Variants in AFAP1 observed in about 807,000 individuals in gnomAD.
AFAP1 encodes the protein actin filament associated protein 1.
Under a neutral mutation model 93.9 loss-of-function variants are expected in AFAP1, and 75 were observed. The observed-to-expected ratio is 0.80, with a 90% CI of 0.66 to 0.97. AFAP1 has a LOEUF of 0.97. AFAP1 is among the 50% of genes least tolerant of loss of function. The pLI is 0.00. For missense variants in AFAP1, 1,201 were observed against 1,050.8 expected (o/e 1.14, Z -1.98); for synonymous variants, 517 against 430.7 (o/e 1.20, Z -2.48).
chr4:7,938,685 T>C (rs901018417), intron 1 of AFAP1, among the ~76,000 whole-genome samples: 5 of 152,284 alleles, frequency 3.3e-5, no homozygotes, highest in South Asian at 2.1e-4. Context: ...GGAGAGTTTC[T>C]TCCACTCTCC....
At chr4:7,824,740 CG>C in intron 6 of AFAP1, among the ~76,000 whole-genome samples, 1 of 152,012 alleles carries the variant, frequency 6.6e-6, no homozygotes, top group East Asian at 1.9e-4. Context: ...CAATGGAGGC[CG>C]GGAAGGCTGA....
At chr4:7,883,053 C>G (rs1249141412) in intron 1 of AFAP1, among the ~76,000 whole-genome samples, 7 of 151,570 alleles carry the variant, frequency 4.6e-5, no homozygotes. Flanking sequence ...GATGTGATGG[C>G]ACACACCTGT....
In AFAP1 at chr4:7,768,929, G is replaced by T. The variant is rs139760292; in HGVS notation, c.2333C>A (p.Pro778Gln). Residue 778 changes from proline to glutamine, a missense_variant, in exon 17 of 18, where the codon CCG becomes CAG. Pro to Gln is a moderately conservative substitution (Grantham distance 76). Transcript: ENST00000420658. Reference sequence around the variant, plus strand: ...CTTCAAGACGGCCGCGCTGTTCACCGGCACGGGGCCCTCGGTGTCACTGGT... The same window carrying T: ...CTTCAAGACGGCCGCGCTGTTCACCTGCACGGGGCCCTCGGTGTCACTGGT... ...CDTSDTEGPV[P>Q]VNSAAVLKKS... The T allele has an allele frequency of 3.7e-6, 6 of 1,613,804 alleles. No individual in the cohort carries two copies. The highest frequency in any genetic ancestry group is 5.1e-6 in the Non-Finnish European group (6 of 1,179,864).
intron 16 of AFAP1, among the ~76,000 whole-genome samples, chr4:7,771,504 T>G (rs1398552873): frequency 6.6e-6 from 1 of 152,206 alleles, no homozygotes; most frequent in East Asian, 1.9e-4. Context: ...AATTGTTGGA[T>G]GAGTGGAATG....
chr4:7,803,154 G>T (rs1041177313), intron 9 of AFAP1, among the ~76,000 whole-genome samples: 6 of 152,160 alleles, frequency 3.9e-5, no homozygotes, highest in Non-Finnish European at 8.8e-5. Context: ...AGCATGAGTT[G>T]ACAAATGTAA....
intron 7 of AFAP1, among the ~76,000 whole-genome samples, chr4:7,817,399 G>A (rs1187642171): frequency 1.1e-4 from 17 of 152,152 alleles, no homozygotes; most frequent in African/African-American, 3.4e-4. Context: ...TCAGGAGTTC[G>A]AGACCAGCCT....
intron 6 of AFAP1, among the ~76,000 whole-genome samples, chr4:7,825,885 C>T (rs1365179535): frequency 2.0e-5 from 3 of 151,270 alleles, no homozygotes; most frequent in Admixed American, 6.6e-5. Context: ...ATTTTTACTC[C>T]AGTTACCACA....
chr4:7,927,455 G>A (rs1174024192), intron 1 of AFAP1, among the ~76,000 whole-genome samples: 2 of 152,172 alleles, frequency 1.3e-5, no homozygotes, highest in African/African-American at 2.4e-5. Flanking sequence ...TGCATATAAG[G>A]CATTCAGAAC....
intron 1 of AFAP1, among the ~76,000 whole-genome samples, chr4:7,920,966 T>C (rs531466490): frequency 3.7e-4 from 56 of 151,660 alleles, no homozygotes; most frequent in Non-Finnish European, 7.4e-4. Flanking sequence ...ATAAACTATA[T>C]ATTATATATA....
In AFAP1 at chr4:7,761,813, C is replaced by CAATGGTGGGAAGTGACCACTGGAGG. The variant is rs1326139440; in HGVS notation, c.*1927_*1951dup. On this transcript the variant is annotated 3_prime_UTR_variant, in exon 18 of 18. Coordinates refer to ENST00000420658, the MANE Select transcript of AFAP1 (RefSeq NM_001134647.2). ...CCTGCAATGGTGGGAAGTCTGCCTG[C>CAATGGTGGGAAGTGACCACTGGAGG]AATGGTGGGAAGTGACCACTGGAGG... is the stretch of plus-strand genomic sequence containing the variant. The CAATGGTGGGAAGTGACCACTGGAGG allele has an allele frequency of 6.6e-6, 1 of 152,078 alleles. No individual in the cohort carries two copies. The highest frequency in any genetic ancestry group is 1.5e-5 in the Non-Finnish European group (1 of 68,046). The allele number at this position is 152,078 out of a possible 1,614,324, so 9.4% of individuals were successfully genotyped here.
chr4:7,897,183 G>C (rs902478424), intron 1 of AFAP1, among the ~76,000 whole-genome samples: 5 of 152,128 alleles, frequency 3.3e-5, no homozygotes, highest in African/African-American at 1.2e-4. Flanking sequence ...ATCTTACAGA[G>C]GGTCAAAGAG....
In AFAP1 at chr4:7,762,650, C is replaced by G. The variant is rs1381909160; in HGVS notation, c.*1115G>C. ...AAAGCTGGGAAAGAGGCCCTACTTG[C>G]ACCCACCCTACTCAGGAGAGGCAGC... On this transcript the variant is annotated 3_prime_UTR_variant, in exon 18 of 18. Transcript: ENST00000420658. 6.6e-6 allele frequency: 1 copy of G among 152,278 alleles called. No homozygotes were observed. The highest frequency in any genetic ancestry group is 2.4e-5 in the African/African-American group (1 of 41,458). The allele number at this position is 152,278 out of a possible 1,614,324, so 9.4% of individuals were successfully genotyped here.
intron 1 of AFAP1, among the ~76,000 whole-genome samples, chr4:7,885,289 T>C (rs1347395651): frequency 6.6e-6 from 1 of 152,204 alleles, no homozygotes; most frequent in African/African-American, 2.4e-5. Context: ...CCCACAAATA[T>C]CACGCCTGCT....
intron 1 of AFAP1, among the ~76,000 whole-genome samples, chr4:7,888,474 T>C (rs1044234640): frequency 3.3e-5 from 5 of 152,184 alleles, no homozygotes; most frequent in African/African-American, 4.8e-5. Flanking sequence ...GGAAATATTA[T>C]GAATAGCTTT....
At chr4:7,873,342 C>CTTTTTTTTTTTTTTTT (rs1158765422) in intron 1 of AFAP1, among the ~76,000 whole-genome samples, 3 of 50,998 alleles carry the variant, frequency 5.9e-5, no homozygotes, top group African/African-American at 2.2e-4. Context: ...GAAGACACAC[C>CTTTTTTTTTTTTTTTT]TTTTTTTTTT....
At chr4:7,815,526 A>G (rs1328725620) in intron 8 of AFAP1, among the ~76,000 whole-genome samples, 1 of 152,192 alleles carries the variant, frequency 6.6e-6, no homozygotes, top group Non-Finnish European at 1.5e-5. Flanking sequence ...TGGCCTCCTC[A>G]TTTTAAAGAT....
chr4:7,928,847 G>A (rs529313148), intron 1 of AFAP1, among the ~76,000 whole-genome samples: 6 of 152,312 alleles, frequency 3.9e-5, no homozygotes, highest in Non-Finnish European at 8.8e-5. Context: ...TCTTACATGA[G>A]GGGCACAGAG....
intron 15 of AFAP1, chr4:7,773,778 C>G (rs1715760604): frequency 6.6e-6 from 1 of 152,564 alleles, no homozygotes; most frequent in South Asian, 2.1e-4. Context: ...TCCTGGGCCT[C>G]CTATAGGGTC....
At chr4:7,856,182 C>A (rs1423491852) in intron 3 of AFAP1, among the ~76,000 whole-genome samples, 1 of 152,224 alleles carries the variant, frequency 6.6e-6, no homozygotes, top group African/African-American at 2.4e-5. Context: ...GAGCCACTTT[C>A]TAAAACAAAG....
Sources: allele counts gnomAD v4.1 joint callset (sites outside exome capture counted in the v4.1 genomes callset), GRCh38; gene constraint gnomAD v4.1.1; transcripts MANE v1.5; gene names NCBI Gene and HGNC (gene_info 2026-07-23, HGNC 2026-07-21).